The following KCNIP4 variants were observed in gnomAD, a reference collection of about 807,000 sequenced individuals.
KCNIP4 encodes Kv channel-interacting protein 4.
KCNIP4 carries 12 observed loss-of-function variants against 34.0 expected under a neutral mutation model. The observed-to-expected ratio is 0.35, with a 90% CI of 0.23 to 0.57. The LOEUF is 0.57. Among genes scored for constraint, KCNIP4 ranks in the 20% least tolerant of loss-of-function variants. The pLI is 0.83. For synonymous variants in KCNIP4, 124 were observed against 102.2 expected, an observed-to-expected ratio of 1.21 and a Z score of -1.29; for missense variants, 238 against 311.7, an observed-to-expected ratio of 0.76 and a Z score of 1.78.
At chr4:21,067,144 A>G (rs1382110926) in intron 1 of KCNIP4, among the ~76,000 whole-genome samples, 1 of 152,102 alleles carries the variant, frequency 6.6e-6, no homozygotes, top group Non-Finnish European at 1.5e-5. Context: ...CTAGACACGC[A>G]TTGGGCCAGA....
chr4:20,805,011 G>T (rs1368249194), intron 3 of KCNIP4, among the ~76,000 whole-genome samples: 1 of 152,042 alleles, frequency 6.6e-6, no homozygotes, highest in Non-Finnish European at 1.5e-5. Context: ...TCCCAAGAAG[G>T]GTTCTGATTG....
chr4:20,897,747 C>A (rs544527598), intron 1 of KCNIP4, among the ~76,000 whole-genome samples: 2 of 152,120 alleles, frequency 1.3e-5, no homozygotes, highest in Admixed American at 1.3e-4. Context: ...AGGAGAGAGG[C>A]CTCAGAAGGA....
chr4:21,669,705 A>T (rs114286308), intron 1 of KCNIP4, among the ~76,000 whole-genome samples: 1,972 of 152,280 alleles, frequency 0.013, 36 homozygotes, highest in African/African-American at 0.043. Flanking sequence ...TGAGGCACAA[A>T]GATGCCCACT....
intron 1 of KCNIP4, among the ~76,000 whole-genome samples, chr4:21,234,072 C>CT (rs1759041084): frequency 1.1e-5 from 1 of 92,750 alleles, no homozygotes. Context: ...TATAACATAA[C>CT]ATAACATATA....
At chr4:21,270,494 T>G (rs1208354461) in intron 1 of KCNIP4, among the ~76,000 whole-genome samples, 1 of 152,206 alleles carries the variant, frequency 6.6e-6, no homozygotes, top group Non-Finnish European at 1.5e-5. Flanking sequence ...CTATTAGATT[T>G]AATTCATCAA....
intron 1 of KCNIP4, among the ~76,000 whole-genome samples, chr4:20,969,713 A>T (rs78884527): frequency 7.9e-5 from 12 of 152,244 alleles, no homozygotes; most frequent in African/African-American, 2.9e-4. Flanking sequence ...TACTAAAAAA[A>T]GAAATTACTT....
chr4:21,914,430 C>T (rs114312033), intron 1 of KCNIP4, among the ~76,000 whole-genome samples: 1 of 152,112 alleles, frequency 6.6e-6, no homozygotes, highest in Non-Finnish European at 1.5e-5. Context: ...CTCACCTATG[C>T]CAGTTCTTCC....
intron 1 of KCNIP4, among the ~76,000 whole-genome samples, chr4:21,265,579 A>G (rs1434651923): frequency 6.6e-6 from 1 of 152,222 alleles, no homozygotes. Context: ...GTATATTTAT[A>G]GGAAATAATA....
intron 1 of KCNIP4, among the ~76,000 whole-genome samples, chr4:21,494,504 G>C (rs1732675430): frequency 6.6e-6 from 1 of 152,054 alleles, no homozygotes; most frequent in Non-Finnish European, 1.5e-5. Context: ...GCTGAGTGCG[G>C]TGGCTTATGC....
intron 1 of KCNIP4, among the ~76,000 whole-genome samples, chr4:21,259,389 GTTTT>G (rs1761300043): frequency 6.6e-6 from 1 of 152,140 alleles, no homozygotes; most frequent in Non-Finnish European, 1.5e-5. Flanking sequence ...TCTGGTTAGA[GTTTT>G]TTTGTTTATG....
chr4:21,887,622 G>T (rs1234223245), intron 1 of KCNIP4, among the ~76,000 whole-genome samples: 4 of 152,090 alleles, frequency 2.6e-5, no homozygotes, highest in East Asian at 1.9e-4. Flanking sequence ...ACTTACGAAA[G>T]AAAATGAATA....
intron 2 of KCNIP4, among the ~76,000 whole-genome samples, chr4:20,864,178 G>C (rs199710145): frequency 5.5e-4 from 36 of 65,558 alleles, no homozygotes; most frequent in Admixed American, 1.3e-3. Flanking sequence ...GTATACACAT[G>C]TATGTATGCG....
chr4:21,907,051 T>G (rs965506377), intron 1 of KCNIP4, among the ~76,000 whole-genome samples: 2 of 152,154 alleles, frequency 1.3e-5, no homozygotes, highest in Admixed American at 6.5e-5. Flanking sequence ...TATTTCTCAT[T>G]CTCATTATGA....
intron 1 of KCNIP4, among the ~76,000 whole-genome samples, chr4:21,742,751 T>A (rs2109131159): frequency 6.6e-6 from 1 of 152,202 alleles, no homozygotes; most frequent in South Asian, 2.1e-4. Context: ...AGGAGGTAAG[T>A]TATATGTACA....
intron 1 of KCNIP4, among the ~76,000 whole-genome samples, chr4:20,951,275 C>T (rs1173388574): frequency 2.6e-5 from 4 of 152,120 alleles, no homozygotes; most frequent in African/African-American, 9.7e-5. Context: ...GGCTCCAGAA[C>T]TGTGAAAAAT....
rs28496764 is a variant in KCNIP4, at chr4:20,993,893, T to C, written c.62-111184A>G. 8.0e-3 allele frequency among the ~76,000 whole-genome samples: 1,211 copies of C among 152,264 alleles called. 15 individuals are homozygous for C. The highest frequency in any genetic ancestry group is 0.027 in the African/African-American group (1,141 of 41,552). ...ATTGGAGGATCTAGGAGGGAATCAATTTTCTTGCCTTTTCCAGCTTCTAGA... is the reference window on the plus strand; with the variant it reads ...ATTGGAGGATCTAGGAGGGAATCAACTTTCTTGCCTTTTCCAGCTTCTAGA... On this transcript the variant is annotated intron_variant, in intron 1 of 8. Coordinates refer to ENST00000382152, the MANE Select transcript of KCNIP4 (RefSeq NM_025221.6).
At chr4:21,767,270 G>C (rs1718484297) in intron 1 of KCNIP4, among the ~76,000 whole-genome samples, 1 of 152,088 alleles carries the variant, frequency 6.6e-6, no homozygotes, top group Non-Finnish European at 1.5e-5. Context: ...ATGCCTTGTT[G>C]AGAGTGAGGG....
At chr4:21,266,416 A>G (rs2109119975) in intron 1 of KCNIP4, among the ~76,000 whole-genome samples, 1 of 152,222 alleles carries the variant, frequency 6.6e-6, no homozygotes, top group East Asian at 1.9e-4. Flanking sequence ...AAAAAACATG[A>G]AAATACATTG....
intron 3 of KCNIP4, among the ~76,000 whole-genome samples, chr4:20,766,298 G>A (rs1755407099): frequency 6.6e-6 from 1 of 152,158 alleles, no homozygotes; most frequent in Non-Finnish European, 1.5e-5. Flanking sequence ...GCCAGGCACG[G>A]TGGGTCATGC....
Sources: gnomAD v4.1 joint callset for allele counts (sites outside exome capture counted in the v4.1 genomes callset) on GRCh38, gnomAD v4.1.1 for gene constraint, MANE v1.5 for transcripts, NCBI Gene and HGNC (gene_info 2026-07-23, HGNC 2026-07-21) for gene names.